Variants in CALN1 observed in about 807,000 individuals in gnomAD.
CALN1 encodes calcium-binding protein 8.
Under a neutral mutation model 30.6 loss-of-function variants are expected in CALN1, and 17 were observed. The ratio of observed to expected loss-of-function variants is 0.56; its 90% CI spans 0.38 to 0.83. CALN1 has a LOEUF of 0.83. Among genes scored for constraint, CALN1 ranks in the 40% least tolerant of loss-of-function variants. The pLI, the probability that CALN1 is intolerant of heterozygous loss-of-function variation, is 0.00. For missense variants in CALN1, 291 were observed against 354.9 expected (o/e 0.82, Z 1.45); for synonymous variants, 156 against 131.4 (o/e 1.19, Z -1.28).
intron 3 of CALN1, among the ~76,000 whole-genome samples, chr7:72,247,255 T>G (rs1795250200): frequency 9.5e-6 from 1 of 105,240 alleles, no homozygotes; most frequent in African/African-American, 4.0e-5. Context: ...TTTTTTTTTT[T>G]TTTTTTTTTT....
chr7:72,239,982 T>G (rs1479418789), intron 3 of CALN1, among the ~76,000 whole-genome samples: 1 of 152,096 alleles, frequency 6.6e-6, no homozygotes, highest in Non-Finnish European at 1.5e-5. Context: ...AAACCAAGCT[T>G]TAAGTTTAAA....
chr7:72,027,359 T>G (rs892019120), intron 4 of CALN1, among the ~76,000 whole-genome samples: 1 of 152,146 alleles, frequency 6.6e-6, no homozygotes, highest in African/African-American at 2.4e-5. Flanking sequence ...GCACCCACAG[T>G]GAGGTCTAAC....
chr7:72,455,321 A>ATATG, the CALN1 span, among the ~76,000 whole-genome samples: 56 of 138,852 alleles, frequency 4.0e-4, no homozygotes, highest in African/African-American at 7.4e-4. Context: ...ATATATATAT[A>ATATG]TGTGTGTGTG....
At chr7:71,925,486 G>GT (rs1344688234) in intron 5 of CALN1, among the ~76,000 whole-genome samples, 2 of 132,512 alleles carry the variant, frequency 1.5e-5, no homozygotes, top group Admixed American at 7.9e-5. Context: ...TATTTTTTGG[G>GT]TTTTTTTGGT....
chr7:71,981,794 T>A (rs575300220), intron 5 of CALN1, among the ~76,000 whole-genome samples: 1 of 152,082 alleles, frequency 6.6e-6, no homozygotes, highest in Non-Finnish European at 1.5e-5. Flanking sequence ...CAGAATGGAA[T>A]TGAAGGACTC....
intron 5 of CALN1, among the ~76,000 whole-genome samples, chr7:71,963,524 T>C (rs1213333770): frequency 1.3e-5 from 2 of 151,934 alleles, no homozygotes; most frequent in African/African-American, 2.4e-5. Flanking sequence ...AGGCTGGTCT[T>C]GAACTCCTGA....
chr7:72,007,648 A>G (rs1799848861), intron 5 of CALN1, among the ~76,000 whole-genome samples: 2 of 152,194 alleles, frequency 1.3e-5, no homozygotes, highest in Non-Finnish European at 1.5e-5. Context: ...CCCTTACACT[A>G]AAATGTAAAT....
intron 5 of CALN1, among the ~76,000 whole-genome samples, chr7:71,910,851 G>A (rs1484130444): frequency 6.6e-6 from 1 of 151,962 alleles, no homozygotes; most frequent in Non-Finnish European, 1.5e-5. Flanking sequence ...TATTGCTTTT[G>A]TGCTTAGTAT....
intron 3 of CALN1, among the ~76,000 whole-genome samples, chr7:72,203,568 C>T (rs548206093): frequency 1.3e-5 from 2 of 152,238 alleles, no homozygotes; most frequent in East Asian, 1.9e-4. Flanking sequence ...AGAAACCATG[C>T]TCCCTGGATC....
At chr7:72,485,631 G>T in the CALN1 span, among the ~76,000 whole-genome samples, 1 of 152,186 alleles carries the variant, frequency 6.6e-6, no homozygotes, top group Non-Finnish European at 1.5e-5. Context: ...CAGCACTTTG[G>T]GAGGCCCAGG....
chr7:72,434,359 A>C lies in CALN1; in HGVS notation c.-226+12683T>G, dbSNP rs555377138. Among the ~76,000 whole-genome samples, 1,294 of 151,178 alleles carry C rather than the reference A, an allele frequency of 8.6e-3. 22 individuals are homozygous for C. Among genetic ancestry groups the C allele is most frequent in the African/African-American group, 0.03 (1,235 of 40,996 alleles). ...CTCTACTAAAATACCAAAAAAAAAA[A>C]AAACAAAAAAAAAATAGCTGGGCGT... is the stretch of plus-strand genomic sequence containing the variant. On this transcript the variant is annotated intron_variant, in intron 1 of 6. Transcript: ENST00000395276.
At chr7:72,416,648 T>C (rs565033749), upstream of CALN1, among the ~76,000 whole-genome samples, 103 of 133,012 alleles carry the variant, frequency 7.7e-4, 1 homozygote, top group Admixed American at 7.9e-3. Flanking sequence ...GGCAAGAGAA[T>C]CACTTGAACC....
At chr7:71,924,406 T>C (rs1019090959) in intron 5 of CALN1, among the ~76,000 whole-genome samples, 2 of 150,840 alleles carry the variant, frequency 1.3e-5, no homozygotes, top group African/African-American at 4.9e-5. Flanking sequence ...TTTAATATAA[T>C]ACTTAATATA....
chr7:72,359,618 C>T (rs1398966001), intron 2 of CALN1, among the ~76,000 whole-genome samples: 1 of 152,090 alleles, frequency 6.6e-6, no homozygotes, highest in Non-Finnish European at 1.5e-5. Context: ...AAAAGAATAA[C>T]CTGATTCCAA....
intron 4 of CALN1, among the ~76,000 whole-genome samples, chr7:72,099,677 C>T (rs1584939497): frequency 6.6e-6 from 1 of 152,080 alleles, no homozygotes; most frequent in Non-Finnish European, 1.5e-5. Context: ...TTTGTGGCAG[C>T]AATACCCGTA....
intron 4 of CALN1, among the ~76,000 whole-genome samples, chr7:72,094,089 G>A (rs1806054103): frequency 6.6e-6 from 1 of 152,098 alleles, no homozygotes; most frequent in Non-Finnish European, 1.5e-5. Flanking sequence ...CTAAGCCCAT[G>A]GCTAGAATCA....
chr7:72,194,307 A>G (rs1397276430), intron 3 of CALN1, among the ~76,000 whole-genome samples: 3 of 152,166 alleles, frequency 2.0e-5, no homozygotes, highest in African/African-American at 7.2e-5. Context: ...AGGCAGGTGG[A>G]TCATCTGAGT....
intron 3 of CALN1, among the ~76,000 whole-genome samples, chr7:72,265,554 C>CACT: frequency 6.6e-6 from 1 of 152,154 alleles, no homozygotes; most frequent in East Asian, 1.9e-4. Context: ...TCTGGGGGAG[C>CACT]ACGATGGGGC....
chr7:71,997,037 G>A (rs1386225879), intron 5 of CALN1, among the ~76,000 whole-genome samples: 1 of 152,060 alleles, frequency 6.6e-6, no homozygotes, highest in Non-Finnish European at 1.5e-5. Flanking sequence ...AGACCAGCCT[G>A]GAAAACACAG....
Sources: gnomAD v4.1 joint callset for allele counts (sites outside exome capture counted in the v4.1 genomes callset) on GRCh38, gnomAD v4.1.1 for gene constraint, MANE v1.5 for transcripts, NCBI Gene and HGNC (gene_info 2026-07-23, HGNC 2026-07-21) for gene names.